Variants in NEK11 observed in about 807,000 individuals in gnomAD.
The protein encoded by NEK11 is serine/threonine-protein kinase Nek11.
A neutral mutation model predicts 80.7 loss-of-function variants in NEK11; 72 were observed. That is an observed-to-expected ratio of 0.89 (90% confidence interval 0.74 to 1.08). The LOEUF (loss-of-function observed/expected upper bound fraction) is 1.08. Ranked by LOEUF, NEK11 falls within the 50% of genes least tolerant of loss-of-function variation. The pLI, the probability that NEK11 is intolerant of heterozygous loss-of-function variation, is 0.00. For synonymous variants in NEK11, 251 were observed against 260.7 expected, an observed-to-expected ratio of 0.96 and a Z score of 0.36; for missense variants, 764 against 763.6, an observed-to-expected ratio of 1.00 and a Z score of -0.01.
chr3:131,056,109 G>A (rs944284322), intron 3 of NEK11, among the ~76,000 whole-genome samples: 16 of 152,120 alleles, frequency 1.1e-4, no homozygotes, highest in African/African-American at 3.6e-4. Context: ...GTTTTCTTCC[G>A]AAGGGCTTCA....
intron 14 of NEK11, among the ~76,000 whole-genome samples, chr3:131,204,673 T>G (rs886366726): frequency 2.6e-5 from 4 of 152,110 alleles, no homozygotes; most frequent in African/African-American, 9.7e-5. Context: ...TTGAGGTTTT[T>G]TTTTTTAAAT....
intron 3 of NEK11, among the ~76,000 whole-genome samples, chr3:131,030,199 A>G (rs978470386): frequency 6.6e-6 from 1 of 151,736 alleles, no homozygotes; most frequent in Non-Finnish European, 1.5e-5. Flanking sequence ...AGATCATGCC[A>G]CTGCCCTCCA....
intron 14 of NEK11, among the ~76,000 whole-genome samples, chr3:131,198,458 G>A (rs1159052679): frequency 1.3e-5 from 2 of 152,212 alleles, no homozygotes; most frequent in Non-Finnish European, 2.9e-5. Flanking sequence ...TGATATTTAA[G>A]TAAACAGTTG....
chr3:131,134,688 C>T lies in NEK11; in HGVS notation c.647+732C>T, dbSNP rs907925429. ...TGCTGGGATTACAGGTGTGAGCCACCGCGCCCAGACTAGGATAAACTAAAT... is the reference window on the plus strand; with the variant it reads ...TGCTGGGATTACAGGTGTGAGCCACTGCGCCCAGACTAGGATAAACTAAAT... On this transcript the variant is annotated intron_variant, in intron 7 of 17. Transcript: ENST00000383366. Among the ~76,000 whole-genome samples, 8 of 152,110 alleles carry T rather than the reference C, an allele frequency of 5.3e-5. No individual in the cohort carries two copies. The East Asian group carries it at 7.7e-4, about 15-fold the overall frequency.
chr3:131,228,989 T>C (rs2095274548), intron 15 of NEK11, among the ~76,000 whole-genome samples: 1 of 152,204 alleles, frequency 6.6e-6, no homozygotes, highest in Non-Finnish European at 1.5e-5. Flanking sequence ...TATACAGCTA[T>C]TGAATTAAAA....
At chr3:131,115,942 CTTT>C (rs2081043762) in intron 5 of NEK11, among the ~76,000 whole-genome samples, 2 of 117,876 alleles carry the variant, frequency 1.7e-5, no homozygotes, top group Admixed American at 8.5e-5. Context: ...TTCTTTCTTT[CTTT>C]CTTTCTTTCT....
chr3:131,121,074 A>G (rs1370049318), intron 5 of NEK11, among the ~76,000 whole-genome samples: 2 of 152,108 alleles, frequency 1.3e-5, no homozygotes, highest in Non-Finnish European at 2.9e-5. Flanking sequence ...TGATTTTTAG[A>G]ATTTTCAGCA....
chr3:131,161,861 T>A (rs568041140), intron 10 of NEK11, among the ~76,000 whole-genome samples: 9 of 152,208 alleles, frequency 5.9e-5, no homozygotes, highest in Non-Finnish European at 8.8e-5. Flanking sequence ...AAAAATAAGA[T>A]TTAGCTATTA....
chr3:131,241,817 A>G (rs549558294), intron 15 of NEK11, among the ~76,000 whole-genome samples: 2 of 152,256 alleles, frequency 1.3e-5, no homozygotes, highest in African/African-American at 4.8e-5. Context: ...TAAGAGATAG[A>G]TGTATATAGA....
intron 17 of NEK11, among the ~76,000 whole-genome samples, chr3:131,304,748 G>T (rs188346688): frequency 6.2e-4 from 94 of 152,256 alleles, no homozygotes; most frequent in African/African-American, 2.0e-3. Flanking sequence ...CACTAGGGGG[G>T]TGTTGAGGTG....
chr3:131,232,999 AG>A (rs2095359875), intron 15 of NEK11, among the ~76,000 whole-genome samples: 3 of 149,956 alleles, frequency 2.0e-5, no homozygotes, highest in Admixed American at 6.7e-5. Flanking sequence ...GAAGGAAGGA[AG>A]GAAGGAAGGA....
At chr3:131,218,504 C>A (rs1309739048) in intron 14 of NEK11, among the ~76,000 whole-genome samples, 1 of 152,198 alleles carries the variant, frequency 6.6e-6, no homozygotes, top group Non-Finnish European at 1.5e-5. Context: ...GATCCAAGAA[C>A]AATTCTGTGG....
rs563723184 is a variant in NEK11, at chr3:131,030,732, G to C, written c.170+854G>C. On this transcript the variant is annotated intron_variant, in intron 3 of 17. Transcript: ENST00000383366. ...ATGTTAATGACCCCCTTGTCACCTC[G>C]TCTCTTTTGATTATGATCGGACCCT... Among the ~76,000 whole-genome samples the C allele has an allele frequency of 4.6e-5, 7 of 152,248 alleles. No homozygotes were observed. In the East Asian group the frequency reaches 1.3e-3, roughly 29 times the overall value.
intron 17 of NEK11, among the ~76,000 whole-genome samples, chr3:131,346,723 G>A (rs192176870): frequency 3.9e-5 from 6 of 152,206 alleles, no homozygotes; most frequent in South Asian, 4.2e-4. Flanking sequence ...GGGTAGAGTC[G>A]AAGTGAAGGG....
At chr3:131,090,215 A>G (rs535699673) in intron 4 of NEK11, among the ~76,000 whole-genome samples, 2 of 152,326 alleles carry the variant, frequency 1.3e-5, no homozygotes, top group East Asian at 3.9e-4. Flanking sequence ...TCATTTCTTT[A>G]AAGCCTCGAC....
Position 131,162,410 on chromosome 3 carries a change from A to T in NEK11, c.965A>T (p.Gln322Leu), listed in dbSNP as rs2091719013. 4 of 1,611,442 alleles carry T rather than the reference A, an allele frequency of 2.5e-6. No homozygotes were observed. Among genetic ancestry groups the T allele is most frequent in the Non-Finnish European group, 2.5e-6 (3 of 1,178,866 alleles). Reference sequence around the variant, plus strand: ...AGGGGAATCTTTGTTATTTATAGGCAAAAAAGGATCCACCTGCAGACTCTG... The same window carrying T: ...AGGGGAATCTTTGTTATTTATAGGCTAAAAAGGATCCACCTGCAGACTCTG... ...KEAAHIINAM[Q>L]KRIHLQTLRA... Residue 322 changes from glutamine to leucine, a missense_variant and splice_region_variant, in exon 11 of 18, where the codon CAA becomes CTA. Coordinates refer to ENST00000383366, the MANE Select transcript of NEK11 (RefSeq NM_024800.5).
intron 14 of NEK11, among the ~76,000 whole-genome samples, chr3:131,221,790 G>T (rs1386647925): frequency 6.6e-6 from 1 of 152,140 alleles, no homozygotes; most frequent in Non-Finnish European, 1.5e-5. Flanking sequence ...CTCCTCGAAG[G>T]TTCTATAAGA....
chr3:131,190,204 TACTGTTCGAGCACTC>T (rs1320735079), intron 14 of NEK11, among the ~76,000 whole-genome samples: 1 of 152,192 alleles, frequency 6.6e-6, no homozygotes, highest in African/African-American at 2.4e-5. Flanking sequence ...TCTCAAAAAC[TACTGTTCGAGCACTC>T]ACATGTGCCC....
At chr3:131,338,216 C>T (rs1374556046) in intron 17 of NEK11, among the ~76,000 whole-genome samples, 11 of 149,514 alleles carry the variant, frequency 7.4e-5, no homozygotes, top group East Asian at 2.0e-4. Context: ...CCACTGGCCT[C>T]GGCCTCCCAA....
Sources: gnomAD v4.1 joint callset for allele counts (sites outside exome capture counted in the v4.1 genomes callset) on GRCh38, gnomAD v4.1.1 for gene constraint, MANE v1.5 for transcripts, NCBI Gene and HGNC (gene_info 2026-07-23, HGNC 2026-07-21) for gene names.